The following MIPOL1 variants were observed in gnomAD, a reference collection of about 807,000 sequenced individuals.
MIPOL1 encodes mirror-image polydactyly gene 1 protein.
In MIPOL1, 57 loss-of-function variants were observed where a neutral mutation model predicts 60.9. That is an observed-to-expected ratio of 0.94 (90% CI 0.76 to 1.17). The LOEUF (loss-of-function observed/expected upper bound fraction) is 1.17. MIPOL1 is among the 50% of genes most tolerant of loss of function. The pLI is 0.00. For synonymous variants in MIPOL1, 179 were observed against 168.8 expected, an observed-to-expected ratio of 1.06 and a Z score of -0.47; for missense variants, 551 against 511.6, an observed-to-expected ratio of 1.08 and a Z score of -0.74.
rs758018001 is a variant in MIPOL1 at position 37,270,439 on chromosome 14, A to C, written c.407A>C (p.Lys136Thr). ...CTTTAGCTTCAGCAGAAATTGGCTAAAGAAGATAAAGAACAGAGAAAACTA... is the reference window on the plus strand; with the variant it reads ...CTTTAGCTTCAGCAGAAATTGGCTACAGAAGATAAAGAACAGAGAAAACTA... ...SNKKLQQKLAKEDKEQRKLKF... is the reference protein window; with the variant it reads ...SNKKLQQKLATEDKEQRKLKF... The change falls in exon 6 of 13, where the codon AAA becomes ACA. Residue 136 changes from lysine to threonine, a missense_variant. Physicochemically the swap from Lys to Thr is moderately conservative, Grantham distance 78. Transcript: ENST00000684589. 25 of 1,589,650 alleles carry C rather than the reference A, an allele frequency of 1.6e-5. No homozygotes were observed. The highest frequency in any genetic ancestry group is 8.8e-5 in the Admixed American group (5 of 56,828).
At chr14:37,385,640 C>T (rs1297901179) in intron 10 of MIPOL1, 1 of 151,924 alleles carries the variant, frequency 6.6e-6, no homozygotes, top group Non-Finnish European at 1.5e-5. Context: ...CATTTTATCC[C>T]TATACATTCT....
intron 3 of MIPOL1, among the ~76,000 whole-genome samples, chr14:37,263,182 G>A (rs1270506578): frequency 6.6e-6 from 1 of 152,082 alleles, no homozygotes; most frequent in African/African-American, 2.4e-5. Flanking sequence ...AAGGAATTGA[G>A]GGTTTAACAA....
chr14:37,422,681 TGTATTA>T (rs970195789), intron 10 of MIPOL1, among the ~76,000 whole-genome samples, 168 bp from the exon 11 acceptor site: 4 of 151,930 alleles, frequency 2.6e-5, no homozygotes, highest in African/African-American at 7.2e-5. Flanking sequence ...TTTTAGTGTT[TGTATTA>T]TTAATGCCTT....
rs1000189869 is a variant in MIPOL1, at chr14:37,550,062, TATAA to T, written c.*3096_*3099del. On this transcript the variant is annotated 3_prime_UTR_variant, in exon 13 of 13. Transcript: ENST00000684589. ...ATTAATATATGAGAATTTAAAATTT[TATAA>T]ATAAGTTAGAAATTATTAATGTATT... 9 of 151,736 alleles carry T rather than the reference TATAA, an allele frequency of 5.9e-5. No individual in the cohort carries two copies. The highest frequency in any genetic ancestry group is 1.4e-4 in the African/African-American group (6 of 41,438). The allele number at this position is 151,736 out of a possible 1,614,324, so 9.4% of individuals were successfully genotyped here. A position where few individuals can be genotyped will look rare whatever the true frequency, so the allele number is the denominator to read the frequency against.
At chr14:37,262,492 G>T (rs1323533564) in intron 3 of MIPOL1, among the ~76,000 whole-genome samples, 1 of 151,976 alleles carries the variant, frequency 6.6e-6, no homozygotes, top group Admixed American at 6.6e-5. Context: ...TAAAGCATGC[G>T]ATTTGGTTCT....
intron 3 of MIPOL1, 74 bp from the exon 4 acceptor site, chr14:37,266,860 ATATT>A (rs2082912855): frequency 1.0e-6 from 1 of 991,672 alleles, no homozygotes; most frequent in Non-Finnish European, 1.5e-6. Context: ...GTTTCCAAAA[ATATT>A]TATTTGACTG....
intron 7 of MIPOL1, among the ~76,000 whole-genome samples, chr14:37,295,553 A>G (rs1437552166): frequency 1.3e-5 from 2 of 152,126 alleles, no homozygotes; most frequent in African/African-American, 4.8e-5. Context: ...CTGTATCAGG[A>G]AACCCATCTC....
intron 10 of MIPOL1, among the ~76,000 whole-genome samples, chr14:37,420,096 G>GAA (rs796634849): frequency 4.5e-5 from 6 of 133,088 alleles, no homozygotes; most frequent in East Asian, 2.2e-4. Flanking sequence ...AGCAATTTTT[G>GAA]AAAAAAAAAA....
chr14:37,468,848 T>G (rs1465744921), intron 11 of MIPOL1, among the ~76,000 whole-genome samples: 1 of 152,102 alleles, frequency 6.6e-6, no homozygotes, highest in Non-Finnish European at 1.5e-5. Context: ...TAGGAGCTAG[T>G]TAAGTAAAGG....
At chr14:37,293,207 A>G (rs560104414) in intron 7 of MIPOL1, among the ~76,000 whole-genome samples, 14 of 152,274 alleles carry the variant, frequency 9.2e-5, no homozygotes, top group African/African-American at 3.4e-4. Flanking sequence ...GCTGTGAGGT[A>G]TCAGTGAAAA....
chr14:37,377,205 G>A (rs563870613), intron 10 of MIPOL1, among the ~76,000 whole-genome samples: 1 of 152,204 alleles, frequency 6.6e-6, no homozygotes, highest in South Asian at 2.1e-4. Flanking sequence ...CTCTGCTATA[G>A]ACACTGGAAA....
chr14:37,489,267 T>C lies in MIPOL1; in HGVS notation c.1032-10641T>C, dbSNP rs187662731. 4.6e-5 allele frequency among the ~76,000 whole-genome samples: 7 copies of C among 152,286 alleles called. No individual in the cohort carries two copies. The East Asian group carries it at 1.2e-3, about 25-fold the overall frequency. On this transcript the variant is annotated intron_variant, in intron 11 of 12. Coordinates refer to ENST00000684589, the MANE Select transcript of MIPOL1 (RefSeq NM_001388067.1). The stretch of plus-strand genomic sequence containing the variant: ...ATCAACTCAGCTATTGATACTTGTG[T>C]ATGTATCACGTGCTGTGTTTTTCAG...
Position 37,481,612 on chromosome 14 carries a change from C to A in MIPOL1, c.1032-18296C>A, listed in dbSNP as rs113644376. 4.8e-3 allele frequency among the ~76,000 whole-genome samples: 659 copies of A among 138,368 alleles called. 7 individuals are homozygous for A. The highest frequency in any genetic ancestry group is 0.017 in the African/African-American group (634 of 36,576). 90.8% of individuals were successfully genotyped at this position (138,368 alleles called of 152,430 possible). A position where few individuals can be genotyped will look rare whatever the true frequency, so the allele number is the denominator to read the frequency against. Reference sequence around the variant, plus strand: ...ACACACACACACACACACACACACACCGAAACCACATAGCCAAGGGAATCA... The same window carrying A: ...ACACACACACACACACACACACACAACGAAACCACATAGCCAAGGGAATCA... On this transcript the variant is annotated intron_variant, in intron 11 of 12. Transcript: ENST00000684589.
chr14:37,496,877 C>T (rs1458621921), intron 11 of MIPOL1, among the ~76,000 whole-genome samples: 14 of 151,994 alleles, frequency 9.2e-5, no homozygotes, highest in Non-Finnish European at 2.1e-4. Flanking sequence ...AAGCTGGAGG[C>T]ATCACACTAC....
At position 37,499,926 on chromosome 14, in the gene MIPOL1, T is replaced by G; in HGVS notation, c.1050T>G (p.Ser350=). Residue 350 remains serine (S), a synonymous_variant, in exon 12 of 13, where the codon TCT becomes TCG. Coordinates refer to ENST00000684589, the MANE Select transcript of MIPOL1 (RefSeq NM_001388067.1). ...RVYYSLHKSL[S]QEENLKDQFN... Reference sequence around the variant, plus strand: ...TTCTCAGTTTACACAAATCTTTATCTCAAGAAGAAAATCTGAAGGATCAGT... The same window carrying G: ...TTCTCAGTTTACACAAATCTTTATCGCAAGAAGAAAATCTGAAGGATCAGT... The G allele has an allele frequency of 6.3e-7, 1 of 1,582,510 alleles. No individual in the cohort carries two copies. The highest frequency in any genetic ancestry group is 8.6e-7 in the Non-Finnish European group (1 of 1,160,528).
rs774534783 is a variant in MIPOL1 at position 37,369,570 on chromosome 14, A to G, written c.882A>G (p.Ser294=). ...ATGTGAAAGAGCAGAACCAGACTTC[A>G]GCAAACAACATGAGACATCTGACTG... ...LHHVKEQNQT[S]ANNMRHLTAE... is the part of the protein sequence containing the mutation. The change falls in exon 10 of 13, where the codon TCA becomes TCG. Residue 294 remains serine, a synonymous_variant. Coordinates refer to ENST00000684589, the MANE Select transcript of MIPOL1 (RefSeq NM_001388067.1). 2 of 1,613,590 alleles carry G rather than the reference A, an allele frequency of 1.2e-6. No individual in the cohort carries two copies. Among genetic ancestry groups the G allele is most frequent in the East Asian group, 2.2e-5 (1 of 44,846 alleles).
At chr14:37,327,834 T>C (rs1351973336) in intron 9 of MIPOL1, among the ~76,000 whole-genome samples, 2 of 152,034 alleles carry the variant, frequency 1.3e-5, no homozygotes, top group Non-Finnish European at 2.9e-5. Flanking sequence ...GAATAGCAAG[T>C]TGTGATTTAA....
chr14:37,264,688 G>T (rs2082745112), intron 3 of MIPOL1, among the ~76,000 whole-genome samples: 2 of 152,008 alleles, frequency 1.3e-5, no homozygotes, highest in South Asian at 4.2e-4. Context: ...ATGATAAAAT[G>T]TTAATATTTG....
intron 12 of MIPOL1, among the ~76,000 whole-genome samples, chr14:37,525,812 C>T (rs2095442755): frequency 1.3e-5 from 2 of 152,160 alleles, no homozygotes. Flanking sequence ...AAGGATTATG[C>T]ATATAGCCTA....
Sources: gnomAD v4.1 joint callset for allele counts (sites outside exome capture counted in the v4.1 genomes callset) on GRCh38, gnomAD v4.1.1 for gene constraint, MANE v1.5 for transcripts, NCBI Gene and HGNC (gene_info 2026-07-23, HGNC 2026-07-21) for gene names.